The following C4orf50 variants were observed in gnomAD, a reference collection of about 807,000 sequenced individuals.
C4orf50 encodes uncharacterized protein C4orf50.
Under a neutral mutation model 77.2 loss-of-function variants are expected in C4orf50, and 80 were observed. That is an observed-to-expected ratio of 1.04 (90% confidence interval 0.87 to 1.25). The LOEUF is 1.25. Ranked by LOEUF, C4orf50 falls within the 50% of genes most tolerant of loss-of-function variation. C4orf50 has a pLI of 0.00. For missense variants in C4orf50, 1,257 were observed against 1,152.9 expected, an observed-to-expected ratio of 1.09 and a Z score of -1.31; for synonymous variants, 532 against 465.3, an observed-to-expected ratio of 1.14 and a Z score of -1.84.
chr4:6,004,188 GTGATGA>G (rs200853748), intron 25 of C4orf50, among the ~76,000 whole-genome samples: 1 of 148,446 alleles, frequency 6.7e-6, no homozygotes, highest in Non-Finnish European at 1.5e-5. Flanking sequence ...GATGGTGATG[GTGATGA>G]TGGTGATGGT....
intron 25 of C4orf50, among the ~76,000 whole-genome samples, chr4:6,003,919 GTGGTGATGGTGATGA>G (rs199638680): frequency 0.031 from 1,007 of 32,268 alleles, 25 homozygotes; most frequent in African/African-American, 0.077. Context: ...GTTGATGATG[GTGGTGATGGTGATGA>G]TGGTGATGGT....
intron 7 of C4orf50, among the ~76,000 whole-genome samples, chr4:5,913,006 C>T (rs1248972453): frequency 6.6e-6 from 1 of 152,200 alleles, no homozygotes; most frequent in Non-Finnish European, 1.5e-5. Flanking sequence ...ATTTCCATCT[C>T]TAGAAATTAG....
intron 29 of C4orf50, among the ~76,000 whole-genome samples, chr4:5,977,816 A>T (rs563494753): frequency 6.6e-6 from 1 of 152,386 alleles, no homozygotes; most frequent in South Asian, 2.1e-4. Context: ...TAACATAAAT[A>T]TGCCACAGTG....
intron 25 of C4orf50, among the ~76,000 whole-genome samples, chr4:5,999,397 C>T (rs566085461): frequency 5.3e-5 from 8 of 152,252 alleles, no homozygotes; most frequent in East Asian, 3.9e-4. Flanking sequence ...CACATTACCA[C>T]GCTGGGCAGG....
intron 7 of C4orf50, among the ~76,000 whole-genome samples, chr4:5,948,601 C>T (rs1346848055): frequency 6.6e-6 from 1 of 152,118 alleles, no homozygotes; most frequent in Admixed American, 6.5e-5. Context: ...TCCAGACAAT[C>T]CTGGCCAACA....
At chr4:5,921,355 G>C (rs1339668433) in intron 7 of C4orf50, among the ~76,000 whole-genome samples, 1 of 152,224 alleles carries the variant, frequency 6.6e-6, no homozygotes, top group African/African-American at 2.4e-5. Flanking sequence ...GCGGTGGGCT[G>C]GGGGAGGAGC....
At chr4:5,969,248 C>T (rs1259617208) in intron 31 of C4orf50, among the ~76,000 whole-genome samples, 1 of 151,952 alleles carries the variant, frequency 6.6e-6, no homozygotes, top group East Asian at 1.9e-4. Context: ...TCATAAAAGG[C>T]AGGAGTTAAA....
At chr4:5,959,696 T>C in intron 33 of C4orf50, 70 bp from the exon 12 acceptor site, 2 of 1,525,626 alleles carry the variant, frequency 1.3e-6, no homozygotes, top group Non-Finnish European at 1.8e-6. Flanking sequence ...ATTCACACAT[T>C]TAATCAAAGG....
intron 7 of C4orf50, among the ~76,000 whole-genome samples, chr4:5,924,257 T>A (rs906437794): frequency 4.6e-5 from 7 of 152,222 alleles, no homozygotes; most frequent in African/African-American, 1.7e-4. Context: ...CTATTATTTC[T>A]GTCCCTTTAG....
At chr4:5,968,580 G>T (rs1719715801) in intron 31 of C4orf50, among the ~76,000 whole-genome samples, 1 of 152,184 alleles carries the variant, frequency 6.6e-6, no homozygotes, top group Admixed American at 6.5e-5. Context: ...GTCCACTCAG[G>T]TCCCGCAGCC....
chr4:6,018,360 C>G lies in C4orf50; in HGVS notation c.72G>C (p.Gly24=), dbSNP rs1722760866. ...TCACATCAACGTTCATTATGTCGAA[C>G]CCCTCACTGCTGGGGGCTCTGATGA... The change falls in exon 23 of 34, where the codon GGG becomes GGC. Residue 24 remains glycine (G), a synonymous_variant. Coordinates refer to ENST00000531445, the Ensembl canonical transcript of C4orf50. This position sits in a 1 kb window ranked among gnomAD's most constrained non-coding sequence, Gnocchi z 5.1. 2 of 399,034 alleles carry G rather than the reference C, an allele frequency of 5.0e-6. No individual in the cohort carries two copies. The highest frequency in any genetic ancestry group is 8.8e-6 in the Non-Finnish European group (2 of 226,066). 24.7% of individuals were successfully genotyped at this position (399,034 alleles called of 1,614,324 possible).
At chr4:5,968,691 C>T (rs74661707) in intron 31 of C4orf50, among the ~76,000 whole-genome samples, 3,148 of 152,228 alleles carry the variant, frequency 0.021, 93 homozygotes, top group African/African-American at 0.067. Flanking sequence ...TCCTCCAATC[C>T]GTCACTCTCT....
chr4:5,929,969 G>C (rs1560547093), intron 7 of C4orf50, among the ~76,000 whole-genome samples: 2 of 152,228 alleles, frequency 1.3e-5, no homozygotes, highest in Admixed American at 6.5e-5. Flanking sequence ...GCTTTTACTT[G>C]ATAGGTTTAT....
At chr4:5,977,694 A>T (rs1052230239) in intron 29 of C4orf50, among the ~76,000 whole-genome samples, 6 of 152,196 alleles carry the variant, frequency 3.9e-5, no homozygotes, top group Non-Finnish European at 8.8e-5. Context: ...AGCATTCCTA[A>T]CGTATTCAAA....
intron 28 of C4orf50, among the ~76,000 whole-genome samples, chr4:5,987,227 A>G (rs1720914250): frequency 6.6e-6 from 1 of 151,896 alleles, no homozygotes. Flanking sequence ...CCTGGGCAAC[A>G]TGGGGAAACC....
At chr4:5,989,976 T>A in exon 28 of C4orf50, 1 of 1,409,292 alleles carries the variant, frequency 7.1e-7, no homozygotes, top group Non-Finnish European at 9.2e-7. Context: ...TGACTTTCCC[T>A]GCGAGGAGCT....
At chr4:5,985,954 G>A (rs1720830521) in intron 28 of C4orf50, among the ~76,000 whole-genome samples, 1 of 152,178 alleles carries the variant, frequency 6.6e-6, no homozygotes, top group Non-Finnish European at 1.5e-5. Context: ...GGGTGACAGA[G>A]CGAGACAGCG....
intron 7 of C4orf50, among the ~76,000 whole-genome samples, chr4:5,927,360 C>G (rs1317782073): frequency 7.2e-5 from 11 of 152,110 alleles, no homozygotes; most frequent in Admixed American, 4.6e-4. Context: ...AACCTCTCCC[C>G]CAAGCCCCTT....
chr4:5,948,624 G>A (rs1022151132), intron 7 of C4orf50, among the ~76,000 whole-genome samples: 12 of 152,062 alleles, frequency 7.9e-5, no homozygotes, highest in African/African-American at 1.4e-4. Flanking sequence ...GTGAAATCCC[G>A]TCTCTAATAA....
Sources: allele counts gnomAD v4.1 joint callset (sites outside exome capture counted in the v4.1 genomes callset), GRCh38; gene constraint gnomAD v4.1.1; non-coding constraint Gnocchi (gnomAD v3.1); transcripts MANE v1.5; gene names NCBI Gene and HGNC (gene_info 2026-07-23, HGNC 2026-07-21).